The following IL13RA1 variants were observed in gnomAD, a reference collection of about 807,000 sequenced individuals.
IL13RA1 encodes the protein interleukin-13 receptor subunit alpha-1.
Under a neutral mutation model 33.8 loss-of-function variants are expected in IL13RA1, and 14 were observed. The observed-to-expected ratio is 0.41, with a 90% CI of 0.27 to 0.65. The LOEUF (loss-of-function observed/expected upper bound fraction) is 0.65. Ranked by LOEUF, IL13RA1 falls within the 30% of genes least tolerant of loss-of-function variation. The pLI is 0.28. For synonymous variants in IL13RA1, 116 were observed against 115.7 expected (o/e 1.00, Z -0.02); for missense variants, 313 against 327.0 (o/e 0.96, Z 0.33).
chrX:118,753,059 T>G (rs777676661), intron 4 of IL13RA1, among the ~76,000 whole-genome samples: 1 of 111,827 alleles, frequency 8.9e-6, no homozygotes, highest in African/African-American at 3.3e-5. Context: ...GGAAAACCTT[T>G]AAAGAATCTA....
chrX:118,801,850 C>A, the IL13RA1 span, among the ~76,000 whole-genome samples: 1 of 112,589 alleles, frequency 8.9e-6, no homozygotes, highest in Non-Finnish European at 1.9e-5. Context: ...AATGACATGG[C>A]ATTTTCCAAT....
chrX:118,766,499 A>G (rs777193781), intron 6 of IL13RA1, 31 bp from the exon 7 acceptor site: 1 of 755,036 alleles, frequency 1.3e-6, no homozygotes. Flanking sequence ...TTTAGGACTC[A>G]TTAGTTTATT....
intron 6 of IL13RA1, chrX:118,761,517 G>A: frequency 3.9e-6 from 1 of 258,085 alleles, no homozygotes; most frequent in African/African-American, 2.8e-5. Flanking sequence ...TCTTAGAAAG[G>A]CCTATTAAAC....
chrX:118,758,434 C>A (rs781053655), intron 5 of IL13RA1, among the ~76,000 whole-genome samples, 192 bp downstream of exon 5: 2 of 112,188 alleles, frequency 1.8e-5, no homozygotes, highest in South Asian at 3.7e-4. Context: ...TTATTGAACA[C>A]ATGTGCCAGA....
intron 1 of IL13RA1, among the ~76,000 whole-genome samples, chrX:118,734,598 G>A (rs768393626): frequency 1.8e-5 from 2 of 111,971 alleles, no homozygotes; most frequent in East Asian, 5.6e-4. Context: ...CCTTTATTCT[G>A]TTAATGTGGT....
chrX:118,753,281 A>C (rs1221152818), intron 4 of IL13RA1, among the ~76,000 whole-genome samples: 1 of 112,240 alleles, frequency 8.9e-6, no homozygotes, highest in Non-Finnish European at 1.9e-5. Flanking sequence ...AAATTGTTAA[A>C]AGAATGTTTC....
At chrX:118,784,103 ATATATACGTATATATGTATATATATG>A (rs1569459381) in intron 10 of IL13RA1, among the ~76,000 whole-genome samples, 8 of 58,067 alleles carry the variant, frequency 1.4e-4, no homozygotes, top group South Asian at 1.3e-3. Context: ...ATATATATAT[ATATATACGTATATATGTATATATATG>A]TATATATATA....
intron 10 of IL13RA1, among the ~76,000 whole-genome samples, chrX:118,791,180 TA>T (rs2017971090): frequency 8.9e-6 from 1 of 112,023 alleles, no homozygotes; most frequent in African/African-American, 3.2e-5. Flanking sequence ...GCTTTTACCA[TA>T]AGAGACATGC....
intron 8 of IL13RA1, chrX:118,770,805 C>T (rs1036259979): frequency 3.2e-6 from 1 of 309,939 alleles, no homozygotes; most frequent in Admixed American, 3.5e-5. Context: ...TCATGCTGGT[C>T]ATCTACATTA....
chrX:118,769,367 T>C (rs1256341531), intron 8 of IL13RA1, among the ~76,000 whole-genome samples: 1 of 112,737 alleles, frequency 8.9e-6, no homozygotes, highest in South Asian at 3.6e-4. Flanking sequence ...AACTGGAATT[T>C]GAGGCCTGAT....
downstream of IL13RA1, among the ~76,000 whole-genome samples, chrX:118,794,994 G>A (rs746754668): frequency 6.9e-4 from 76 of 110,506 alleles, no homozygotes; most frequent in African/African-American, 2.3e-3. Context: ...AGGCTGAAGC[G>A]GGCTGATCAT....
intron 4 of IL13RA1, among the ~76,000 whole-genome samples, chrX:118,750,401 A>T (rs928669895): frequency 1.6e-4 from 18 of 110,511 alleles, no homozygotes; most frequent in African/African-American, 5.6e-4. Flanking sequence ...AAAAAAAAAA[A>T]CTCAGCGTAA....
intron 8 of IL13RA1, among the ~76,000 whole-genome samples, chrX:118,768,182 C>T (rs1370241504): frequency 2.7e-5 from 3 of 112,236 alleles, no homozygotes; most frequent in Admixed American, 1.9e-4. Flanking sequence ...AACAGGTTGT[C>T]GAGGTAGCCA....
Position 118,749,790 on chromosome X carries a change from C to T in IL13RA1, c.488+12C>T, listed in dbSNP as rs1331597586. The T allele has an allele frequency of 2.7e-6, 3 of 1,108,928 alleles. No homozygotes were observed. Among genetic ancestry groups the T allele is most frequent in the Non-Finnish European group, 3.7e-6 (3 of 807,709 alleles). The allele number at this position is 1,108,928 out of a possible 1,213,427, so 91.4% of individuals were successfully genotyped here. A position where few individuals can be genotyped will look rare whatever the true frequency, so the allele number is the denominator to read the frequency against. ...ACTCTCTACTATTGGTGAGTATGTA[C>T]AGTACAATTACTGGAAGACTGATTG... On this transcript the variant is annotated intron_variant, in intron 4 of 10. Coordinates refer to ENST00000371666, the MANE Select transcript of IL13RA1 (RefSeq NM_001560.3).
At chrX:118,728,060 G>C (rs1482175539) in intron 1 of IL13RA1, among the ~76,000 whole-genome samples, 1 of 112,733 alleles carries the variant, frequency 8.9e-6, no homozygotes, top group Non-Finnish European at 1.9e-5. Context: ...GGGGCGGGGG[G>C]CCCGAAACAT....
intron 10 of IL13RA1, among the ~76,000 whole-genome samples, chrX:118,784,604 T>G (rs2147401446): frequency 8.9e-6 from 1 of 111,845 alleles, no homozygotes; most frequent in African/African-American, 3.2e-5. Context: ...TGTGTGGAGA[T>G]ACACTTGATG....
chrX:118,745,368 C>T (rs1022712628), intron 2 of IL13RA1, among the ~76,000 whole-genome samples: 4 of 111,915 alleles, frequency 3.6e-5, no homozygotes, highest in African/African-American at 1.3e-4. Flanking sequence ...GCCCACATTC[C>T]TGTATCACCC....
rs778153026 is a variant in IL13RA1 at position 118,778,653 on chromosome X, A to G, written c.1191+2142A>G. The stretch of plus-strand genomic sequence containing the variant: ...GGACCACACTTTGAAAATCAGTGAT[A>G]AAGATATTTACCCCTGTCTCTTACT... On this transcript the variant is annotated intron_variant, in intron 10 of 10. Transcript: ENST00000371666. Among the ~76,000 whole-genome samples, 3 of 111,737 alleles carry G rather than the reference A, an allele frequency of 2.7e-5. No individual in the cohort carries two copies. The South Asian group carries it at 1.1e-3, about 42-fold the overall frequency.
chrX:118,787,254 T>TG (rs1009507761), intron 10 of IL13RA1, among the ~76,000 whole-genome samples: 8 of 111,497 alleles, frequency 7.2e-5, no homozygotes, highest in African/African-American at 2.6e-4. Flanking sequence ...GCTGGATGTC[T>TG]GGGGGAGACA....
Sources: gnomAD v4.1 joint callset for allele counts (sites outside exome capture counted in the v4.1 genomes callset) on GRCh38, gnomAD v4.1.1 for gene constraint, MANE v1.5 for transcripts, NCBI Gene and HGNC (gene_info 2026-07-23, HGNC 2026-07-21) for gene names.